The following ANKRD30A variants were observed in gnomAD, a reference collection of about 807,000 sequenced individuals.
The protein encoded by ANKRD30A is ankyrin repeat domain 30A.
A neutral mutation model predicts 166.3 loss-of-function variants in ANKRD30A; 170 were observed. The ratio of observed to expected loss-of-function variants is 1.02; its 90% confidence interval spans 0.90 to 1.16. ANKRD30A has a LOEUF of 1.16. ANKRD30A is among the 50% of genes most tolerant of loss of function. The pLI, the probability that ANKRD30A is intolerant of heterozygous loss-of-function variation, is 0.00. For synonymous variants in ANKRD30A, 564 were observed against 508.9 expected (o/e 1.11, Z -1.46); for missense variants, 1,630 against 1,518.0 (o/e 1.07, Z -1.23).
intron 30 of ANKRD30A, among the ~76,000 whole-genome samples, 199 bp from the exon 31 acceptor site, chr10:37,201,036 C>T (rs1841581394): frequency 6.6e-6 from 1 of 151,914 alleles, no homozygotes; most frequent in African/African-American, 2.4e-5. Flanking sequence ...GCCACATGGA[C>T]ATAAAGATCA....
chr10:37,203,605 T>C (rs1292847416), intron 31 of ANKRD30A, among the ~76,000 whole-genome samples: 1 of 152,184 alleles, frequency 6.6e-6, no homozygotes, highest in Non-Finnish European at 1.5e-5. Context: ...TCACCACTGC[T>C]ATTCAACATA....
chr10:37,154,241 A>C (rs1281027341), intron 13 of ANKRD30A, among the ~76,000 whole-genome samples: 6 of 152,210 alleles, frequency 3.9e-5, no homozygotes, highest in Non-Finnish European at 7.3e-5. Flanking sequence ...ATGGCCACAC[A>C]TGTATATAAT....
rs1466316601 is a variant in ANKRD30A, at chr10:37,219,832, T to C, written c.4120T>C (p.Phe1374Leu). The change falls in exon 34 of 36, where the codon TTT becomes CTT. Residue 1374 changes from phenylalanine (F) to leucine (L), a missense_variant. Physicochemically the swap from Phe to Leu is conservative, Grantham distance 22. Transcript: ENST00000361713. ...CCTAAAAGAGAAAAATGAGGAGATA[T>C]TTAATTACAATAACCATTTAAAAAA... ...HLLKEKNEEIFNYNNHLKNRI... is the reference protein window; with the variant it reads ...HLLKEKNEEILNYNNHLKNRI... 6.3e-7 allele frequency: 1 copy of C among 1,593,902 alleles called. No homozygotes were observed. The highest frequency in any genetic ancestry group is 8.6e-7 in the Non-Finnish European group (1 of 1,168,562).
the ANKRD30A span, among the ~76,000 whole-genome samples, chr10:37,238,028 A>G: frequency 6.6e-6 from 1 of 152,204 alleles, no homozygotes; most frequent in Non-Finnish European, 1.5e-5. Flanking sequence ...AAAATTACCC[A>G]ACTCTTTCTA....
intron 21 of ANKRD30A, among the ~76,000 whole-genome samples, chr10:37,172,094 C>T (rs1219300137): frequency 7.3e-6 from 1 of 137,510 alleles, no homozygotes; most frequent in East Asian, 2.0e-4. Flanking sequence ...GTCTGTAATG[C>T]CAGCACGTTG....
chr10:37,198,959 C>G (rs573083195), intron 29 of ANKRD30A, among the ~76,000 whole-genome samples: 1 of 152,142 alleles, frequency 6.6e-6, no homozygotes, highest in South Asian at 2.1e-4. Context: ...GAGAACTCCT[C>G]AAGTCTTGAG....
chr10:37,252,666 G>A, the ANKRD30A span, among the ~76,000 whole-genome samples: 681 of 149,944 alleles, frequency 4.5e-3, 3 homozygotes, highest in African/African-American at 0.016. Context: ...ATATAAACTC[G>A]TTTATAAAAT....
chr10:37,192,692 T>A (rs1840701165), intron 25 of ANKRD30A, among the ~76,000 whole-genome samples: 1 of 152,032 alleles, frequency 6.6e-6, no homozygotes, highest in Non-Finnish European at 1.5e-5. Context: ...ATTAGCTTAG[T>A]CATTTATTCT....
intron 4 of ANKRD30A, among the ~76,000 whole-genome samples, 168 bp downstream of exon 4, chr10:37,132,514 A>G (rs1836438891): frequency 6.6e-6 from 1 of 152,186 alleles, no homozygotes; most frequent in South Asian, 2.1e-4. Context: ...AACATAAAGA[A>G]CAGTATATAG....
chr10:37,263,143 A>T, the ANKRD30A span, among the ~76,000 whole-genome samples: 1 of 151,616 alleles, frequency 6.6e-6, no homozygotes, highest in Non-Finnish European at 1.5e-5. Flanking sequence ...CTAAATCTTT[A>T]TGTTTGTTTC....
chr10:37,157,439 C>T (rs915828717), intron 13 of ANKRD30A, among the ~76,000 whole-genome samples: 1 of 152,216 alleles, frequency 6.6e-6, no homozygotes, highest in Non-Finnish European at 1.5e-5. Context: ...GATCTTGGCT[C>T]ATTGCAACAT....
intron 30 of ANKRD30A, among the ~76,000 whole-genome samples, chr10:37,200,909 T>C (rs978720821): frequency 6.6e-6 from 1 of 152,066 alleles, no homozygotes; most frequent in African/African-American, 2.4e-5. Context: ...TCATATTTAT[T>C]GTTGTTGAGG....
chr10:37,247,929 A>G, the ANKRD30A span, among the ~76,000 whole-genome samples: 8 of 151,878 alleles, frequency 5.3e-5, no homozygotes, highest in Non-Finnish European at 7.4e-5. Context: ...CTTAGGCTTA[A>G]TACCTGGGTG....
At chr10:37,144,846 A>G in intron 7 of ANKRD30A, 149 bp from the exon 8 acceptor site, 2 of 499,572 alleles carry the variant, frequency 4.0e-6, no homozygotes, top group South Asian at 3.8e-5. Flanking sequence ...CCATTTGACT[A>G]TAGAAGTGGT....
At chr10:37,216,050 T>G in intron 31 of ANKRD30A, 131 bp from the exon 32 acceptor site, 1 of 511,076 alleles carries the variant, frequency 2.0e-6, no homozygotes. Flanking sequence ...CTGCAGAGCT[T>G]AGTATAATGC....
At chr10:37,137,087 G>T (rs145162697) in intron 6 of ANKRD30A, among the ~76,000 whole-genome samples, 1 of 151,916 alleles carries the variant, frequency 6.6e-6, no homozygotes, top group Admixed American at 6.6e-5. Flanking sequence ...GGTGATTGAT[G>T]AGCTCAGTAA....
At chr10:37,137,865 A>C (rs1403090797) in intron 6 of ANKRD30A, among the ~76,000 whole-genome samples, 2 of 152,164 alleles carry the variant, frequency 1.3e-5, no homozygotes, top group Admixed American at 6.5e-5. Context: ...ACAGCTTTGA[A>C]GAGAGTAGTG....
At chr10:37,247,443 G>A in the ANKRD30A span, among the ~76,000 whole-genome samples, 1 of 151,820 alleles carries the variant, frequency 6.6e-6, no homozygotes, top group African/African-American at 2.4e-5. Context: ...TTCTTTTTTT[G>A]GAGGGTGTTC....
intron 25 of ANKRD30A, among the ~76,000 whole-genome samples, chr10:37,192,051 T>C (rs1840626522): frequency 6.6e-6 from 1 of 152,066 alleles, no homozygotes; most frequent in South Asian, 2.1e-4. Context: ...TTTTTTCTTT[T>C]TTAGAGACAG....
Sources: gnomAD v4.1 joint callset for allele counts (sites outside exome capture counted in the v4.1 genomes callset) on GRCh38, gnomAD v4.1.1 for gene constraint, MANE v1.5 for transcripts, NCBI Gene and HGNC (gene_info 2026-07-23, HGNC 2026-07-21) for gene names.